CRISPLD2: variants seen among roughly 807,000 people sequenced by gnomAD.
The protein encoded by CRISPLD2 is cysteine-rich secretory protein LCCL domain-containing 2.
Under a neutral mutation model 71.1 loss-of-function variants are expected in CRISPLD2, and 47 were observed. That is an observed-to-expected ratio of 0.66 (90% CI 0.52 to 0.84). The LOEUF is 0.84. Ranked by LOEUF, CRISPLD2 falls within the 40% of genes least tolerant of loss-of-function variation. The probability of loss-of-function intolerance (pLI) is 0.00; values close to 1 mark genes in which losing one functional copy is unlikely to be tolerated. For missense variants in CRISPLD2, 830 were observed against 651.1 expected (o/e 1.27, Z -2.99); for synonymous variants, 317 against 250.1 (o/e 1.27, Z -2.52).
intron 14 of CRISPLD2, among the ~76,000 whole-genome samples, chr16:84,899,732 C>G (rs958617515): frequency 6.6e-6 from 1 of 152,156 alleles, no homozygotes; most frequent in Non-Finnish European, 1.5e-5. Context: ...AGGCAAGATA[C>G]CCAGGGCCCT....
intron 13 of CRISPLD2, among the ~76,000 whole-genome samples, chr16:84,883,487 G>T (rs1227858143): frequency 1.3e-5 from 2 of 152,196 alleles, no homozygotes; most frequent in South Asian, 2.1e-4. Context: ...CTGAACCTCA[G>T]TCTTCTGTCC....
chr16:84,831,871 A>G (rs912386007), intron 1 of CRISPLD2, among the ~76,000 whole-genome samples: 6 of 152,174 alleles, frequency 3.9e-5, no homozygotes, highest in African/African-American at 1.2e-4. Flanking sequence ...AGTAGCTGGA[A>G]CTACAGACAC....
At chr16:84,835,056 T>A (rs1317288796) in intron 1 of CRISPLD2, among the ~76,000 whole-genome samples, 1 of 152,064 alleles carries the variant, frequency 6.6e-6, no homozygotes, top group Non-Finnish European at 1.5e-5. Flanking sequence ...GGGTACAAAC[T>A]GGAATGAGGT....
At chr16:84,849,001 A>AG (rs1217829315) in intron 3 of CRISPLD2, among the ~76,000 whole-genome samples, 3 of 150,556 alleles carry the variant, frequency 2.0e-5, no homozygotes, top group African/African-American at 4.8e-5. Context: ...AAAAAAAAAA[A>AG]AAGAAAGGAC....
chr16:84,826,483 G>A (rs1916355005), intron 1 of CRISPLD2, among the ~76,000 whole-genome samples: 1 of 152,192 alleles, frequency 6.6e-6, no homozygotes, highest in Admixed American at 6.5e-5. Flanking sequence ...TATAACCCCT[G>A]AAGGGGTGAG....
Position 84,838,452 on chromosome 16 carries a change from C to T in CRISPLD2, c.-44C>T, listed in dbSNP as rs143123171. Reference sequence around the variant, plus strand: ...AAGCGCCCAGCTCTGCCCGAGGAGCCCAGGCTGCCCCGTGAGTCCCATAGT... The same window carrying T: ...AAGCGCCCAGCTCTGCCCGAGGAGCTCAGGCTGCCCCGTGAGTCCCATAGT... On this transcript the variant is annotated 5_prime_UTR_variant, in exon 2 of 15. Coordinates refer to ENST00000262424, the MANE Select transcript of CRISPLD2 (RefSeq NM_031476.4). The T allele has an allele frequency of 6.9e-4, 1,093 of 1,592,472 alleles. 9 individuals are homozygous for T. In the African/African-American group the frequency reaches 0.013, roughly 19 times the overall value.
intron 1 of CRISPLD2, among the ~76,000 whole-genome samples, chr16:84,829,414 G>C (rs578149454): frequency 4.6e-5 from 7 of 152,196 alleles, no homozygotes; most frequent in African/African-American, 1.7e-4. Context: ...CAAACGGGGG[G>C]AGTGGAGTAC....
chr16:84,895,845 G>T (rs1301932213), intron 14 of CRISPLD2, among the ~76,000 whole-genome samples: 1 of 152,092 alleles, frequency 6.6e-6, no homozygotes, highest in Admixed American at 6.6e-5. Flanking sequence ...AGAGGCTCAT[G>T]GACTTTTTAC....
chr16:84,884,742 T>C (rs1405797799), intron 13 of CRISPLD2, among the ~76,000 whole-genome samples: 1 of 152,198 alleles, frequency 6.6e-6, no homozygotes, highest in African/African-American at 2.4e-5. Context: ...GAGCTTTTCG[T>C]ACTGACGCCC....
intron 5 of CRISPLD2, among the ~76,000 whole-genome samples, chr16:84,851,561 G>A (rs1326259874): frequency 6.6e-6 from 1 of 152,236 alleles, no homozygotes; most frequent in Non-Finnish European, 1.5e-5. Context: ...GGGAATCGCT[G>A]AGGTTGGGAG....
intron 3 of CRISPLD2, 63 bp downstream of exon 3, chr16:84,845,967 A>G (rs1011254031): frequency 2.4e-5 from 25 of 1,040,276 alleles, no homozygotes; most frequent in Non-Finnish European, 3.1e-5. Flanking sequence ...CGGGCTCAGC[A>G]CTTGTGCCCC....
chr16:84,908,740 G>C lies in CRISPLD2; in HGVS notation c.*2098G>C, dbSNP rs1260435558. The C allele has an allele frequency of 7.1e-6, 1 of 141,820 alleles. No homozygotes were observed. The highest frequency in any genetic ancestry group is 2.6e-5 in the African/African-American group (1 of 38,022). The allele number at this position is 141,820 out of a possible 1,614,324, so 8.8% of individuals were successfully genotyped here. Reference sequence around the variant, plus strand: ...GTTTCACTCTGTTGCCCAAGGTAGAGTGCAGTGGCGTGATCTCTGCTCATT... The same window carrying C: ...GTTTCACTCTGTTGCCCAAGGTAGACTGCAGTGGCGTGATCTCTGCTCATT... On this transcript the variant is annotated 3_prime_UTR_variant, in exon 15 of 15. Coordinates refer to ENST00000262424, the MANE Select transcript of CRISPLD2 (RefSeq NM_031476.4).
chr16:84,866,906 A>C lies in CRISPLD2; in HGVS notation c.719A>C (p.Tyr240Ser), dbSNP rs1917553366. ...RNNLCYREET[Y>S]TPKPETDEMN... ...CCTCTCCAATGTTAAGAAGAAACCT[A>C]CACTCCAAAACCTGAAACGGACGAG... Residue 240 changes from tyrosine to serine, a missense_variant, in exon 7 of 15, where the codon TAC becomes TCC. By Grantham distance (144) the Tyr-to-Ser change is moderately radical. Transcript: ENST00000262424. 1 of 1,613,814 alleles carries C rather than the reference A, an allele frequency of 6.2e-7. No individual in the cohort carries two copies. Among genetic ancestry groups the C allele is most frequent in the Non-Finnish European group, 8.5e-7 (1 of 1,179,930 alleles).
At chr16:84,878,951 G>A (rs1177947617) in intron 12 of CRISPLD2, among the ~76,000 whole-genome samples, 1 of 152,222 alleles carries the variant, frequency 6.6e-6, no homozygotes, top group Admixed American at 6.5e-5. Flanking sequence ...CAGCTGCCCT[G>A]GAGGCTGGGT....
rs529348097 is a variant in CRISPLD2, at chr16:84,866,173, G to T, written c.710-724G>T. On this transcript the variant is annotated intron_variant, in intron 6 of 14. Coordinates refer to ENST00000262424, the MANE Select transcript of CRISPLD2 (RefSeq NM_031476.4). ...GACCCCTTCCCCAGTGAAAACCCAG[G>T]GACAGGGGACTTCCAGCAAGTCCAC... Among the ~76,000 whole-genome samples the T allele has an allele frequency of 4.6e-5, 7 of 152,256 alleles. No homozygotes were observed. In the East Asian group the frequency reaches 7.7e-4, roughly 17 times the overall value.
chr16:84,908,158 A>T lies in CRISPLD2; in HGVS notation c.*1516A>T, dbSNP rs543697230. ...GCCTTCTTTCTTTGATTGCCTTTCTAATAAATGCAGAATCTGAAGGTAAAT... is the reference window on the plus strand; with the variant it reads ...GCCTTCTTTCTTTGATTGCCTTTCTTATAAATGCAGAATCTGAAGGTAAAT... On this transcript the variant is annotated 3_prime_UTR_variant, in exon 15 of 15. Transcript: ENST00000262424. The T allele has an allele frequency of 6.6e-6, 1 of 152,336 alleles. No individual in the cohort carries two copies. The highest frequency in any genetic ancestry group is 2.1e-4 in the South Asian group (1 of 4,828). 9.4% of individuals were successfully genotyped at this position (152,336 alleles called of 1,614,324 possible).
At chr16:84,901,056 AAGATT>A (rs771531307) in intron 14 of CRISPLD2, among the ~76,000 whole-genome samples, 12 of 151,886 alleles carry the variant, frequency 7.9e-5, no homozygotes, top group African/African-American at 2.7e-4. Context: ...CAAAAAAAAA[AAGATT>A]AGAAAGAACT....
At position 84,838,461 on chromosome 16, in the gene CRISPLD2, C is replaced by T. The variant is rs1427412390; in HGVS notation, c.-35C>T. The T allele has an allele frequency of 5.6e-6, 9 of 1,598,664 alleles. No homozygotes were observed. The highest frequency in any genetic ancestry group is 4.5e-5 in the East Asian group (2 of 44,628). On this transcript the variant is annotated 5_prime_UTR_variant, in exon 2 of 15. Coordinates refer to ENST00000262424, the MANE Select transcript of CRISPLD2 (RefSeq NM_031476.4). Reference sequence around the variant, plus strand: ...GCTCTGCCCGAGGAGCCCAGGCTGCCCCGTGAGTCCCATAGTTGCTGCAGG... The same window carrying T: ...GCTCTGCCCGAGGAGCCCAGGCTGCTCCGTGAGTCCCATAGTTGCTGCAGG...
chr16:84,885,556 G>C (rs2071605023), intron 13 of CRISPLD2, among the ~76,000 whole-genome samples: 1 of 152,200 alleles, frequency 6.6e-6, no homozygotes, highest in East Asian at 1.9e-4. Context: ...GGGCCTCCCA[G>C]ATACCCGGGA....
Sources: gnomAD v4.1 joint callset for allele counts (sites outside exome capture counted in the v4.1 genomes callset) on GRCh38, gnomAD v4.1.1 for gene constraint, MANE v1.5 for transcripts, NCBI Gene and HGNC (gene_info 2026-07-23, HGNC 2026-07-21) for gene names.